LHX2: variants seen among roughly 807,000 people sequenced by gnomAD.
LHX2 encodes the protein LIM/homeobox protein Lhx2.
A neutral mutation model predicts 33.0 loss-of-function variants in LHX2; 6 were observed. That is an observed-to-expected ratio of 0.18 (90% CI 0.10 to 0.36). The LOEUF is 0.36. Among genes scored for constraint, LHX2 ranks in the 10% least tolerant of loss-of-function variants. The pLI, the probability that LHX2 is intolerant of heterozygous loss-of-function variation, is 1.00. For synonymous variants in LHX2, 292 were observed against 253.1 expected (o/e 1.15, Z -1.46); for missense variants, 442 against 586.2 (o/e 0.75, Z 2.54).
At chr9:124,024,331 G>A in intron 4 of LHX2, among the ~76,000 whole-genome samples, 1 of 152,272 alleles carries the variant, frequency 6.6e-6, no homozygotes, top group South Asian at 2.1e-4. Context: ...AAGATGAGGT[G>A]ATTTGCTGCT....
chr9:124,022,866 T>C (rs112201665), intron 4 of LHX2, among the ~76,000 whole-genome samples: 1 of 152,150 alleles, frequency 6.6e-6, no homozygotes, highest in Non-Finnish European at 1.5e-5. Context: ...GGCGAGGGGC[T>C]GCGGGAGAGG....
At position 124,032,457 on chromosome 9, in the gene LHX2, A is replaced by G. The variant is rs1828714027; in HGVS notation, c.971A>G (p.Asn324Ser). 3.1e-6 allele frequency: 5 copies of G among 1,603,322 alleles called. No individual in the cohort carries two copies. The highest frequency in any genetic ancestry group is 2.7e-5 in the African/African-American group (2 of 74,772). ...AACGCCCGAGCCAAGTTCAGGCGCA[A>G]CCTCTTACGGCAGGAAAACACGGGC... is the stretch of plus-strand genomic sequence containing the variant. ...FQNARAKFRR[N>S]LLRQENTGVD... The change falls in exon 5 of 5, where the codon AAC becomes AGC. Residue 324 changes from asparagine (N) to serine (S), a missense_variant. Transcript: ENST00000373615. The surrounding 1 kb of genome is among the most constrained non-coding windows in gnomAD (Gnocchi z 4.1).
chr9:124,029,115 A>AAATAATAAT (rs371060108), intron 4 of LHX2, among the ~76,000 whole-genome samples: 1 of 151,208 alleles, frequency 6.6e-6, no homozygotes, highest in African/African-American at 2.5e-5. Context: ...CTGTCTCAAA[A>AAATAATAAT]AATAATAATA....
intron 4 of LHX2, among the ~76,000 whole-genome samples, chr9:124,022,038 A>G (rs1463132482): frequency 2.6e-5 from 4 of 152,204 alleles, no homozygotes; most frequent in African/African-American, 9.6e-5. Flanking sequence ...AACTTTCACC[A>G]AATTTTCACA....
chr9:124,022,137 C>T (rs1003741161), intron 4 of LHX2, among the ~76,000 whole-genome samples: 1 of 152,180 alleles, frequency 6.6e-6, no homozygotes, highest in East Asian at 1.9e-4. Flanking sequence ...GAGTCGTGGG[C>T]CACATCTCAA....
chr9:124,020,611 C>T (rs1388948825), intron 3 of LHX2, among the ~76,000 whole-genome samples: 1 of 152,138 alleles, frequency 6.6e-6, no homozygotes, highest in African/African-American at 2.4e-5. Context: ...GAGACCCTGT[C>T]CTGCTGTGTC....
chr9:124,029,607 A>G (rs1828680448), intron 4 of LHX2, among the ~76,000 whole-genome samples: 1 of 152,208 alleles, frequency 6.6e-6, no homozygotes, highest in Admixed American at 6.5e-5. Context: ...CCTGAGAAAT[A>G]GCAAACAGCC....
At position 124,015,324 on chromosome 9, in the gene LHX2, G is replaced by A. The variant is rs1859165513; in HGVS notation, c.526G>A (p.Glu176Lys). 2 of 1,613,814 alleles carry A rather than the reference G, an allele frequency of 1.2e-6. No homozygotes were observed. The highest frequency in any genetic ancestry group is 2.2e-5 in the South Asian group (2 of 91,086). Residue 176 changes from glutamate to lysine, a missense_variant, in exon 3 of 5, where the codon GAG (glutamate) becomes AAG (lysine). By Grantham distance (56) the Glu-to-Lys change is moderately conservative (BLOSUM62 1). Around this residue, in one of 5 missense-constraint regions of LHX2, gnomAD observed 132 missense variants for 139.1 expected, o/e 0.95. Coordinates refer to ENST00000373615, the MANE Select transcript of LHX2 (RefSeq NM_004789.4). This position sits in a 1 kb window ranked among gnomAD's most constrained non-coding sequence, Gnocchi z 7.9. ...RLHFEALLQG[E>K]YPAHFNHADV... ...GCACTTCGAGGCGCTGCTGCAGGGC[G>A]AGTACCCCGCACACTTCAACCATGC... is the stretch of plus-strand genomic sequence containing the variant.
chr9:124,023,991 T>C (rs541301419), intron 4 of LHX2, among the ~76,000 whole-genome samples: 2 of 152,166 alleles, frequency 1.3e-5, no homozygotes, highest in Non-Finnish European at 2.9e-5. Flanking sequence ...CCAAATGATC[T>C]CCACTTGCCC....
At chr9:124,020,437 A>G (rs564597837) in intron 3 of LHX2, among the ~76,000 whole-genome samples, 1 of 152,314 alleles carries the variant, frequency 6.6e-6, no homozygotes, top group East Asian at 1.9e-4. Context: ...CCTTTGGCCC[A>G]GTGCCCAAGG....
intron 3 of LHX2, among the ~76,000 whole-genome samples, chr9:124,017,365 C>A (rs959121333): frequency 6.6e-6 from 1 of 152,140 alleles, no homozygotes; most frequent in Non-Finnish European, 1.5e-5. Flanking sequence ...TTTCGGGGCT[C>A]CCGGGACTAG....
intron 1 of LHX2, 104 bp from the exon 2 acceptor site, chr9:124,013,857 G>C: frequency 9.6e-7 from 1 of 1,040,432 alleles, no homozygotes; most frequent in Non-Finnish European, 1.4e-6. Flanking sequence ...CCGCGTTCAG[G>C]GTAGCCAAGG....
In LHX2 at chr9:124,032,377, GCC is replaced by G; in HGVS notation, c.934-42_934-41del. On this transcript the variant is annotated intron_variant, in intron 4 of 4. Coordinates refer to ENST00000373615, the MANE Select transcript of LHX2 (RefSeq NM_004789.4). This position sits in a 1 kb window ranked among gnomAD's most constrained non-coding sequence, Gnocchi z 4.1. The stretch of plus-strand genomic sequence containing the variant: ...AGTGAAGCAGTCGGGGGGATGCTCT[GCC>G]TGCCTTCCGCTCACCAGCCCTTCCC... The G allele has an allele frequency of 6.5e-7, 1 of 1,536,916 alleles. No homozygotes were observed. The highest frequency in any genetic ancestry group is 1.8e-5 in the Admixed American group (1 of 56,468).
At position 124,032,195 on chromosome 9, in the gene LHX2, T is replaced by G; in HGVS notation, c.934-225T>G. 1 of 500,700 alleles carries G rather than the reference T, an allele frequency of 2.0e-6. No individual in the cohort carries two copies. The highest frequency in any genetic ancestry group is 3.5e-6 in the Non-Finnish European group (1 of 287,662). 31.0% of individuals were successfully genotyped at this position (500,700 alleles called of 1,614,324 possible). ...AGTTAGAAGCTGCAGTGAGTCGAGATTGTGTCACTGCACTTCAGCCTGGGG... is the reference window on the plus strand; with the variant it reads ...AGTTAGAAGCTGCAGTGAGTCGAGAGTGTGTCACTGCACTTCAGCCTGGGG... On this transcript the variant is annotated intron_variant, in intron 4 of 4. Transcript: ENST00000373615. This position sits in a 1 kb window ranked among gnomAD's most constrained non-coding sequence, Gnocchi z 4.1.
In LHX2 at chr9:124,012,445, A is replaced by G; in HGVS notation, c.97A>G (p.Ile33Val). The part of the protein sequence containing the change: ...KSEAPAISSA[I>V]DRGDTETTMP... ...CGAGGCTCCCGCCATCAGCTCCGCCATCGACCGCGGCGACACCGAGACGGT... is the reference window on the plus strand; with the variant it reads ...CGAGGCTCCCGCCATCAGCTCCGCCGTCGACCGCGGCGACACCGAGACGGT... The change falls in exon 1 of 5, where the codon ATC becomes GTC. Residue 33 changes from isoleucine (I) to valine (V), a missense_variant. Ile to Val is a conservative substitution (Grantham distance 29). Transcript: ENST00000373615. This position sits in a 1 kb window ranked among gnomAD's most constrained non-coding sequence, Gnocchi z 4.3. 6.5e-7 allele frequency: 1 copy of G among 1,543,582 alleles called. No homozygotes were observed. Among genetic ancestry groups the G allele is most frequent in the Non-Finnish European group, 8.7e-7 (1 of 1,151,994 alleles).
chr9:124,023,900 G>A (rs144314501), intron 4 of LHX2, among the ~76,000 whole-genome samples: 45 of 152,286 alleles, frequency 3.0e-4, no homozygotes, highest in African/African-American at 1.0e-3. Flanking sequence ...TACTGAGGGA[G>A]CCCAGAGGAA....
At position 124,012,106 on chromosome 9, in the gene LHX2, C is replaced by T. The variant is rs1190520134; in HGVS notation, c.-243C>T. 1.1e-5 allele frequency: 2 copies of T among 189,406 alleles called. No individual in the cohort carries two copies. The highest frequency in any genetic ancestry group is 2.1e-5 in the Non-Finnish European group (2 of 93,710). The allele number at this position is 189,406 out of a possible 1,614,324, so 11.7% of individuals were successfully genotyped here. On this transcript the variant is annotated 5_prime_UTR_variant, in exon 1 of 5. Transcript: ENST00000373615. This position sits in a 1 kb window ranked among gnomAD's most constrained non-coding sequence, Gnocchi z 4.3. Reference sequence around the variant, plus strand: ...TTGTCCCGTGCCCTTGTGACCCTGGCTTTGGCGCCGTCGCCCAGGCGCCCC... The same window carrying T: ...TTGTCCCGTGCCCTTGTGACCCTGGTTTTGGCGCCGTCGCCCAGGCGCCCC...
intron 4 of LHX2, among the ~76,000 whole-genome samples, chr9:124,026,551 A>G (rs1193755295): frequency 6.6e-6 from 1 of 152,062 alleles, no homozygotes; most frequent in African/African-American, 2.4e-5. Flanking sequence ...ACAATTGACA[A>G]GGTGCCAAGA....
intron 4 of LHX2, among the ~76,000 whole-genome samples, chr9:124,024,602 A>T (rs149159482): frequency 6.8e-4 from 103 of 152,350 alleles, no homozygotes; most frequent in African/African-American, 2.4e-3. Context: ...CGGAGTAAAT[A>T]AGATGACATA....
Sources: allele counts gnomAD v4.1 joint callset (sites outside exome capture counted in the v4.1 genomes callset), GRCh38; gene constraint gnomAD v4.1.1; regional missense constraint gnomAD v4.1.1; non-coding constraint Gnocchi (gnomAD v3.1); transcripts MANE v1.5; gene names NCBI Gene and HGNC (gene_info 2026-07-23, HGNC 2026-07-21).